KIF3A: variants seen among roughly 807,000 people sequenced by gnomAD.
KIF3A encodes the protein kinesin-like protein KIF3A.
KIF3A carries 27 observed loss-of-function variants against 92.6 expected under a neutral mutation model. The ratio of observed to expected loss-of-function variants is 0.29; its 90% confidence interval spans 0.21 to 0.40. KIF3A has a LOEUF of 0.40. Among genes scored for constraint, KIF3A ranks in the 10% least tolerant of loss-of-function variants. KIF3A has a pLI of 1.00. For synonymous variants in KIF3A, 250 were observed against 275.4 expected (o/e 0.91, Z 0.92); for missense variants, 581 against 872.6 (o/e 0.67, Z 4.21).
At chr5:132,722,219 T>C (rs1030913508) in intron 4 of KIF3A, among the ~76,000 whole-genome samples, 1 of 152,182 alleles carries the variant, frequency 6.6e-6, no homozygotes, top group African/African-American at 2.4e-5. Context: ...ATTCAATTAA[T>C]AAGTGTATTC....
Position 132,737,489 on chromosome 5 carries a change from A to G in KIF3A, c.-70T>C. ...AGCCCAGCGACACCGGGTGCGCAGA[A>G]AGGATGGCCAGAGACTACCGAAACA... On this transcript the variant is annotated 5_prime_UTR_variant, in exon 1 of 19. Transcript: ENST00000403231. 1 of 1,572,516 alleles carries G rather than the reference A, an allele frequency of 6.4e-7. No homozygotes were observed. Among genetic ancestry groups the G allele is most frequent in the Admixed American group, 1.8e-5 (1 of 55,310 alleles).
chr5:132,734,476 G>A lies in KIF3A; in HGVS notation c.9C>T (p.Ile3=). 2 of 1,607,944 alleles carry A rather than the reference G, an allele frequency of 1.2e-6. No individual in the cohort carries two copies. The highest frequency in any genetic ancestry group is 2.2e-5 in the South Asian group (2 of 89,648). Residue 3 remains isoleucine, a splice_region_variant and synonymous_variant, in exon 2 of 19, where the codon ATC becomes ATT. Coordinates refer to ENST00000403231, the MANE Select transcript of KIF3A (RefSeq NM_001300791.2). ...AGCTTTCTGGCTTCTCTGATTTATTGATCTGTTGGAGATAATATTTACAAA... is the reference window on the plus strand; with the variant it reads ...AGCTTTCTGGCTTCTCTGATTTATTAATCTGTTGGAGATAATATTTACAAA... The part of the protein sequence containing the change: MP[I]NKSEKPESCD...
chr5:132,713,875 C>T (rs2149904285), intron 8 of KIF3A, among the ~76,000 whole-genome samples: 2 of 146,838 alleles, frequency 1.4e-5, no homozygotes, highest in South Asian at 4.4e-4. Flanking sequence ...AAGACAAATG[C>T]TGTATTTCAC....
intron 2 of KIF3A, among the ~76,000 whole-genome samples, chr5:132,732,117 T>C (rs1490902107): frequency 6.6e-6 from 1 of 152,108 alleles, no homozygotes; most frequent in Non-Finnish European, 1.5e-5. Context: ...AAGGTCAATA[T>C]ACAAAAATCA....
intron 4 of KIF3A, among the ~76,000 whole-genome samples, chr5:132,725,746 TCTA>T (rs1207320593): frequency 1.3e-5 from 2 of 152,170 alleles, no homozygotes; most frequent in East Asian, 3.8e-4. Context: ...TGGCTGCTGT[TCTA>T]CAAATGCTCT....
chr5:132,715,859 T>C lies in KIF3A; in HGVS notation c.1027A>G (p.Lys343Glu). 6.2e-7 allele frequency: 1 copy of C among 1,610,516 alleles called. No homozygotes were observed. Among genetic ancestry groups the C allele is most frequent in the Non-Finnish European group, 8.5e-7 (1 of 1,177,242 alleles). The part of the protein sequence containing the change: ...ISTLRYANRA[K>E]NIKNKARINE... Reference sequence around the variant, plus strand: ...ATTCTAGCTTTATTTTTAATATTCTTAGCACGATTGGCATACCGTAATGTA... The same window carrying C: ...ATTCTAGCTTTATTTTTAATATTCTCAGCACGATTGGCATACCGTAATGTA... The change falls in exon 8 of 19, where the codon AAG (lysine) becomes GAG (glutamate). Residue 343 changes from lysine (K) to glutamate (E), a missense_variant. This residue lies in a region of KIF3A where 167 missense variants were observed against 205.8 expected (regional missense o/e 0.81). Transcript: ENST00000403231.
intron 18 of KIF3A, among the ~76,000 whole-genome samples, chr5:132,697,011 T>C (rs1222273696): frequency 6.6e-6 from 1 of 152,196 alleles, no homozygotes; most frequent in African/African-American, 2.4e-5. Flanking sequence ...CCTGATTATC[T>C]CTTCTGAGGT....
chr5:132,709,046 C>T lies in KIF3A; in HGVS notation c.1229-68G>A, dbSNP rs2299006. 20 of 1,207,544 alleles carry T rather than the reference C, an allele frequency of 1.7e-5. 1 individual carries two copies. The South Asian group carries it at 2.5e-4, about 15-fold the overall frequency. 74.8% of individuals were successfully genotyped at this position (1,207,544 alleles called of 1,614,324 possible). ...GGAAACAAGAAAATGAACACACACACAGAGAAAAATTCAGTTTTCAGAGAA... is the reference window on the plus strand; with the variant it reads ...GGAAACAAGAAAATGAACACACACATAGAGAAAAATTCAGTTTTCAGAGAA... On this transcript the variant is annotated intron_variant, in intron 9 of 18. Transcript: ENST00000403231.
intron 4 of KIF3A, among the ~76,000 whole-genome samples, chr5:132,725,354 C>G (rs1051671830): frequency 1.3e-5 from 2 of 152,072 alleles, no homozygotes; most frequent in African/African-American, 4.8e-5. Flanking sequence ...GAAAAAAAAG[C>G]TAATATTTAT....
chr5:132,688,991 A>G (rs1195640287), downstream of KIF3A, among the ~76,000 whole-genome samples: 3 of 152,190 alleles, frequency 2.0e-5, no homozygotes. Flanking sequence ...AGAGCCATAA[A>G]CGTGTTTGGG....
At chr5:132,712,825 A>C (rs1020868016) in intron 8 of KIF3A, among the ~76,000 whole-genome samples, 1 of 152,218 alleles carries the variant, frequency 6.6e-6, no homozygotes, top group African/African-American at 2.4e-5. Context: ...AAGACTGGGG[A>C]ATTAGACTGA....
At chr5:132,736,907 T>C (rs1275837015) in intron 1 of KIF3A, 3 of 339,420 alleles carry the variant, frequency 8.8e-6, no homozygotes, top group African/African-American at 6.5e-5. Flanking sequence ...ACCTACGGGT[T>C]TCATTCTGCA....
Position 132,716,963 on chromosome 5 carries a change from A to G in KIF3A, c.638T>C (p.Met213Thr). 5 of 1,613,708 alleles carry G rather than the reference A, an allele frequency of 3.1e-6. No homozygotes were observed. The highest frequency in any genetic ancestry group is 3.4e-6 in the Non-Finnish European group (4 of 1,179,780). ...ATGGGAACGGGAACTATGTTCGTTC[A>G]TATTAGTTGCACCAACAGAACCTTT... ...HKNRSVGATN[M>T]NEHSSRSHAI... The change falls in exon 6 of 19, where the codon ATG becomes ACG. Residue 213 changes from methionine (M) to threonine (T), a missense_variant. This residue lies in a region of KIF3A where 217 missense variants were observed against 299.7 expected (regional missense o/e 0.72). Coordinates refer to ENST00000403231, the MANE Select transcript of KIF3A (RefSeq NM_001300791.2).
At position 132,720,624 on chromosome 5, in the gene KIF3A, G is replaced by A. The variant is rs767149493; in HGVS notation, c.601C>T (p.Leu201=). ...CTATACTTACGATTTTTGTGGCCTAGCGTCATAATTCTATCCATATCATCA... is the reference window on the plus strand; with the variant it reads ...CTATACTTACGATTTTTGTGGCCTAACGTCATAATTCTATCCATATCATCA... The part of the protein sequence containing the change: ...NADDMDRIMT[L]GHKNRSVGAT... Residue 201 remains leucine, a synonymous_variant, in exon 5 of 19, where the codon CTA becomes TTA. Coordinates refer to ENST00000403231, the MANE Select transcript of KIF3A (RefSeq NM_001300791.2). 6.2e-7 allele frequency: 1 copy of A among 1,605,490 alleles called. No individual in the cohort carries two copies. The highest frequency in any genetic ancestry group is 1.1e-5 in the South Asian group (1 of 90,014).
At chr5:132,690,803 T>G (rs1752644365), downstream of KIF3A, among the ~76,000 whole-genome samples, 2 of 152,050 alleles carry the variant, frequency 1.3e-5, no homozygotes, top group African/African-American at 4.8e-5. Context: ...GGCACATGCC[T>G]ATAGTCCCAG....
chr5:132,727,771 G>A (rs1581098271), intron 2 of KIF3A, among the ~76,000 whole-genome samples: 1 of 152,150 alleles, frequency 6.6e-6, no homozygotes, highest in African/African-American at 2.4e-5. Context: ...GGGTCGATGT[G>A]GGGAAACAGA....
chr5:132,730,016 G>A (rs959406022), intron 2 of KIF3A, among the ~76,000 whole-genome samples: 3 of 152,220 alleles, frequency 2.0e-5, no homozygotes, highest in East Asian at 1.9e-4. Context: ...AAGAAAAGAC[G>A]TAAGTTACCA....
intron 8 of KIF3A, among the ~76,000 whole-genome samples, chr5:132,715,004 C>A (rs1753568736): frequency 6.6e-6 from 1 of 152,152 alleles, no homozygotes; most frequent in Non-Finnish European, 1.5e-5. Flanking sequence ...AGTACCCTCT[C>A]TAAACATTTG....
chr5:132,695,224 T>G lies in KIF3A; in HGVS notation c.*1410A>C, dbSNP rs1024684865. On this transcript the variant is annotated 3_prime_UTR_variant, in exon 19 of 19. Transcript: ENST00000403231. ...TGTCACCCTGTCACCCAGGCTGGAG[T>G]GCAGTGATGCCATCTCAGCTCACTG... 6.6e-6 allele frequency: 1 copy of G among 152,114 alleles called. No individual in the cohort carries two copies. The highest frequency in any genetic ancestry group is 1.5e-5 in the Non-Finnish European group (1 of 68,030). The allele number at this position is 152,114 out of a possible 1,614,324, so 9.4% of individuals were successfully genotyped here.
Sources: gnomAD v4.1 joint callset for allele counts (sites outside exome capture counted in the v4.1 genomes callset) on GRCh38, gnomAD v4.1.1 for gene constraint, gnomAD v4.1.1 regional missense constraint, MANE v1.5 for transcripts, NCBI Gene and HGNC (gene_info 2026-07-23, HGNC 2026-07-21) for gene names.